CSNK1D: variants seen among roughly 807,000 people sequenced by gnomAD.
CSNK1D encodes casein kinase I isoform delta.
CSNK1D carries 16 observed loss-of-function variants against 46.6 expected under a neutral mutation model. The observed-to-expected ratio is 0.34, with a 90% CI of 0.23 to 0.52. The LOEUF (loss-of-function observed/expected upper bound fraction) is 0.52. Among genes scored for constraint, CSNK1D ranks in the 20% least tolerant of loss-of-function variants. CSNK1D has a pLI of 0.95. For synonymous variants in CSNK1D, 276 were observed against 228.2 expected (o/e 1.21, Z -1.89); for missense variants, 398 against 578.4 (o/e 0.69, Z 3.20).
chr17:82,257,364 C>T (rs754619535), intron 2 of CSNK1D, among the ~76,000 whole-genome samples: 1 of 152,070 alleles, frequency 6.6e-6, no homozygotes, highest in Non-Finnish European at 1.5e-5. Context: ...TAATCTTTTG[C>T]TTTATGAGTG....
At position 82,244,697 on chromosome 17, in the gene CSNK1D, G is replaced by A. The variant is rs746234868; in HGVS notation, c.*84C>T. 633 of 1,607,492 alleles carry A rather than the reference G, an allele frequency of 3.9e-4. No homozygotes were observed. The highest frequency in any genetic ancestry group is 4.9e-4 in the Non-Finnish European group (572 of 1,178,702). On this transcript the variant is annotated 3_prime_UTR_variant, in exon 9 of 9. Coordinates refer to ENST00000314028, the MANE Select transcript of CSNK1D (RefSeq NM_001893.6). ...GGTGTTAACATTTCGATCCTAGACC[G>A]GGGGACGTGTCACTAGTAAAGCCAT...
chr17:82,241,265 G>C (rs1031629299), downstream of CSNK1D, among the ~76,000 whole-genome samples: 1 of 152,192 alleles, frequency 6.6e-6, no homozygotes, highest in Admixed American at 6.5e-5. Context: ...GGGAGGTGGC[G>C]GGGGAGGCAC....
In CSNK1D at chr17:82,242,918, C is replaced by A. The variant is rs1297905492; in HGVS notation, c.*1863G>T. On this transcript the variant is annotated 3_prime_UTR_variant, in exon 9 of 9. Coordinates refer to ENST00000314028, the MANE Select transcript of CSNK1D (RefSeq NM_001893.6). ...AGCTGCCTCGCACAAACGTTCTGGG[C>A]ACTACATCGGGACCACAGATATTTA... is the stretch of plus-strand genomic sequence containing the variant. 7.1e-6 allele frequency: 7 copies of A among 985,334 alleles called. No individual in the cohort carries two copies. The Admixed American group carries it at 1.8e-4, about 26-fold the overall frequency. 61.0% of individuals were successfully genotyped at this position (985,334 alleles called of 1,614,324 possible). A position where few individuals can be genotyped will look rare whatever the true frequency, so the allele number is the denominator to read the frequency against.
intron 2 of CSNK1D, among the ~76,000 whole-genome samples, chr17:82,262,258 C>G (rs1190295416): frequency 1.3e-5 from 2 of 152,248 alleles, no homozygotes; most frequent in Non-Finnish European, 2.9e-5. Flanking sequence ...TCTCTGGGAG[C>G]AGACAGCTGC....
At position 82,273,289 on chromosome 17, in the gene CSNK1D, G is replaced by C. The variant is rs747400396; in HGVS notation, c.76+17C>G. The C allele has an allele frequency of 1.1e-5, 17 of 1,590,766 alleles. No homozygotes were observed. The highest frequency in any genetic ancestry group is 1.4e-5 in the Non-Finnish European group (16 of 1,175,546). On this transcript the variant is annotated intron_variant, in intron 1 of 8. Coordinates refer to ENST00000314028, the MANE Select transcript of CSNK1D (RefSeq NM_001893.6). This position sits in a 1 kb window ranked among gnomAD's most constrained non-coding sequence, Gnocchi z 5.1. Reference sequence around the variant, plus strand: ...GCCCGGGTCTTCGGGCGGCGGGCGGGGGCGGCGGGGCCTCACCGAGATAGA... The same window carrying C: ...GCCCGGGTCTTCGGGCGGCGGGCGGCGGCGGCGGGGCCTCACCGAGATAGA...
Position 82,242,835 on chromosome 17 carries a change from T to C in CSNK1D, c.*1946A>G, listed in dbSNP as rs2050761653. 7.1e-6 allele frequency: 7 copies of C among 984,850 alleles called. No individual in the cohort carries two copies. The highest frequency in any genetic ancestry group is 7.0e-5 in the African/African-American group (4 of 57,200). The allele number at this position is 984,850 out of a possible 1,614,324, so 61.0% of individuals were successfully genotyped here. A position where few individuals can be genotyped will look rare whatever the true frequency, so the allele number is the denominator to read the frequency against. On this transcript the variant is annotated 3_prime_UTR_variant, in exon 9 of 9. Transcript: ENST00000314028. The stretch of plus-strand genomic sequence containing the variant: ...CGGGGACTAGATACTGGGCAAGGAC[T>C]GTCACAAGCACTCCGAAGACGCGAC...
In CSNK1D at chr17:82,244,797, G is replaced by C. The variant is rs1474445482; in HGVS notation, c.1232C>G (p.Ser411Cys). The C allele has an allele frequency of 1.2e-6, 2 of 1,614,008 alleles. No homozygotes were observed. Among genetic ancestry groups the C allele is most frequent in the Admixed American group, 1.7e-5 (1 of 60,034 alleles). The part of the protein sequence containing the change: ...PGRVASSGLQ[S>C]VVHR ...GGAGAGTTCTCATCGGTGCACGACA[G>C]ACTGAAGACCACTGGAAGCCACCCG... The change falls in exon 9 of 9, where the codon TCT (serine) becomes TGT (cysteine). Residue 411 changes from serine (S) to cysteine (C), a missense_variant. Transcript: ENST00000314028.
Position 82,249,186 on chromosome 17 carries a change from A to G in CSNK1D, c.1058-172T>C. 1.1e-6 allele frequency: 1 copy of G among 881,262 alleles called. No individual in the cohort carries two copies. The highest frequency in any genetic ancestry group is 2.7e-5 in the East Asian group (1 of 37,688). The allele number at this position is 881,262 out of a possible 1,614,324, so 54.6% of individuals were successfully genotyped here. ...TCCGGCCGGAGGGACACAAAGGGAC[A>G]TGGGAGCGAGGTCAAGGGGCTCACA... On this transcript the variant is annotated intron_variant, in intron 7 of 8. Coordinates refer to ENST00000314028, the MANE Select transcript of CSNK1D (RefSeq NM_001893.6). The surrounding 1 kb of genome is among the most constrained non-coding windows in gnomAD (Gnocchi z 6.7).
At chr17:82,241,538 A>G (rs2050741751), downstream of CSNK1D, among the ~76,000 whole-genome samples, 1 of 151,550 alleles carries the variant, frequency 6.6e-6, no homozygotes, top group Admixed American at 6.5e-5. Flanking sequence ...AGGGCAGGGA[A>G]CCCCAGGAGG....
chr17:82,254,509 A>C (rs1410866358), intron 3 of CSNK1D: 21 of 179,140 alleles, frequency 1.2e-4, no homozygotes, highest in African/African-American at 2.4e-4. Context: ...GAAGCCAGTG[A>C]GCTGAGCCGC....
rs762100486 is a variant in CSNK1D at position 82,250,225 on chromosome 17, C to T, written c.886-623G>A. ...ACTGCCAATGCTGTGCGGCAGGGGC[C>T]TGCAAACTACAGCCCCGGGGCCAAA... On this transcript the variant is annotated intron_variant, in intron 6 of 8. Transcript: ENST00000314028. The surrounding 1 kb of genome is among the most constrained non-coding windows in gnomAD (Gnocchi z 4.6). 6.2e-6 allele frequency: 8 copies of T among 1,289,360 alleles called. No homozygotes were observed. Among genetic ancestry groups the T allele is most frequent in the Non-Finnish European group, 8.1e-6 (8 of 988,516 alleles). 79.9% of individuals were successfully genotyped at this position (1,289,360 alleles called of 1,614,324 possible).
chr17:82,239,021 C>T (rs373089106), downstream of CSNK1D: 30 of 1,477,596 alleles, frequency 2.0e-5, no homozygotes, highest in Admixed American at 1.9e-4. Context: ...GTACAGAAGC[C>T]GGCAACGCTT....
At chr17:82,240,694 G>A (rs922965902), downstream of CSNK1D, among the ~76,000 whole-genome samples, 64 of 152,232 alleles carry the variant, frequency 4.2e-4, 1 homozygote, top group African/African-American at 1.2e-3. Flanking sequence ...AAAGTAGCCA[G>A]GCAGTGCTGC....
chr17:82,273,291 G>T lies in CSNK1D; in HGVS notation c.76+15C>A. On this transcript the variant is annotated intron_variant, in intron 1 of 8. Transcript: ENST00000314028. The surrounding 1 kb of genome is among the most constrained non-coding windows in gnomAD (Gnocchi z 5.1). Reference sequence around the variant, plus strand: ...CCGGGTCTTCGGGCGGCGGGCGGGGGCGGCGGGGCCTCACCGAGATAGATG... The same window carrying T: ...CCGGGTCTTCGGGCGGCGGGCGGGGTCGGCGGGGCCTCACCGAGATAGATG... 1 of 1,601,010 alleles carries T rather than the reference G, an allele frequency of 6.2e-7. No individual in the cohort carries two copies. Among genetic ancestry groups the T allele is most frequent in the Non-Finnish European group, 8.5e-7 (1 of 1,175,776 alleles).
rs1000601582 is a variant in CSNK1D at position 82,249,960 on chromosome 17, G to C, written c.886-358C>G. ...AAGAGGAGAGGGACAGGAACCATCGGAGGCCAAAGACAGGCCCCAAATGGT... is the reference window on the plus strand; with the variant it reads ...AAGAGGAGAGGGACAGGAACCATCGCAGGCCAAAGACAGGCCCCAAATGGT... On this transcript the variant is annotated intron_variant, in intron 6 of 8. Coordinates refer to ENST00000314028, the MANE Select transcript of CSNK1D (RefSeq NM_001893.6). The surrounding 1 kb of genome is among the most constrained non-coding windows in gnomAD (Gnocchi z 6.7). The C allele has an allele frequency of 2.4e-6, 3 of 1,247,814 alleles. No individual in the cohort carries two copies. The highest frequency in any genetic ancestry group is 4.6e-5 in the East Asian group (1 of 21,534). 77.3% of individuals were successfully genotyped at this position (1,247,814 alleles called of 1,614,324 possible).
At chr17:82,260,439 G>A (rs1286771332) in intron 2 of CSNK1D, among the ~76,000 whole-genome samples, 1 of 149,104 alleles carries the variant, frequency 6.7e-6, no homozygotes, top group Non-Finnish European at 1.5e-5. Flanking sequence ...TGAGTGATGT[G>A]ACTGATGGTG....
In CSNK1D at chr17:82,249,433, G is replaced by A. The variant is rs768280334; in HGVS notation, c.1055C>T (p.Thr352Met). 102 of 1,534,748 alleles carry A rather than the reference G, an allele frequency of 6.6e-5. No individual in the cohort carries two copies. Among genetic ancestry groups the A allele is most frequent in the Non-Finnish European group, 8.1e-5 (93 of 1,144,450 alleles). The change falls in exon 7 of 9, where the codon ACG becomes ATG. Residue 352 changes from threonine (T) to methionine (M), a missense_variant and splice_region_variant. By Grantham distance (81) the Thr-to-Met change is moderately conservative (BLOSUM62 -1). Coordinates refer to ENST00000314028, the MANE Select transcript of CSNK1D (RefSeq NM_001893.6). The surrounding 1 kb of genome is among the most constrained non-coding windows in gnomAD (Gnocchi z 6.7). ...PPTPLTPTSHTANTSPRPVSG... is the reference protein window; with the variant it reads ...PPTPLTPTSHMANTSPRPVSG... ...AGCGCTGGGAGGGGGGCACTCACCC[G>A]TGTGTGAGGTAGGGGTGAGGGGTGT...
chr17:82,270,227 C>T (rs1007479517), intron 1 of CSNK1D, among the ~76,000 whole-genome samples: 4 of 152,200 alleles, frequency 2.6e-5, no homozygotes, highest in African/African-American at 7.2e-5. Flanking sequence ...AACACGACAA[C>T]CTGGCAGGGC....
chr17:82,258,867 C>T (rs953257980), intron 2 of CSNK1D, among the ~76,000 whole-genome samples: 3 of 152,208 alleles, frequency 2.0e-5, no homozygotes, highest in Non-Finnish European at 4.4e-5. Flanking sequence ...AAGCCCTTCT[C>T]GTGGCCAGAA....
Sources: allele counts gnomAD v4.1 joint callset (sites outside exome capture counted in the v4.1 genomes callset), GRCh38; gene constraint gnomAD v4.1.1; non-coding constraint Gnocchi (gnomAD v3.1); transcripts MANE v1.5; gene names NCBI Gene and HGNC (gene_info 2026-07-23, HGNC 2026-07-21).